The following AHRR variants were observed in gnomAD, a reference collection of about 807,000 sequenced individuals.
AHRR encodes the protein ahR repressor.
AHRR carries 28 observed loss-of-function variants against 44.0 expected under a neutral mutation model. That is an observed-to-expected ratio of 0.64 (90% CI 0.47 to 0.87). The LOEUF (loss-of-function observed/expected upper bound fraction) is 0.87, where lower values mean the gene tolerates loss of function less well. Ranked by LOEUF, AHRR falls within the 40% of genes least tolerant of loss-of-function variation. AHRR has a pLI of 0.00. For synonymous variants in AHRR, 434 were observed against 407.0 expected, an observed-to-expected ratio of 1.07 and a Z score of -0.80; for missense variants, 990 against 953.9, an observed-to-expected ratio of 1.04 and a Z score of -0.50.
chr5:380,087 C>T (rs1733920573), intron 4 of AHRR, among the ~76,000 whole-genome samples: 1 of 152,148 alleles, frequency 6.6e-6, no homozygotes, highest in Admixed American at 6.5e-5. Context: ...ATTAGAAAGA[C>T]TATCTTTTTA....
At chr5:341,000 A>G (rs1385104121) in intron 1 of AHRR, among the ~76,000 whole-genome samples, 2 of 149,632 alleles carry the variant, frequency 1.3e-5, no homozygotes, top group Non-Finnish European at 3.0e-5. Context: ...ACCCAGCTCT[A>G]TAATTTTTCT....
intron 8 of AHRR, among the ~76,000 whole-genome samples, chr5:429,085 C>G (rs946393730): frequency 6.6e-6 from 1 of 152,206 alleles, no homozygotes; most frequent in African/African-American, 2.4e-5. Flanking sequence ...GGATTCGTGT[C>G]TATAGTTTCC....
chr5:379,036 G>A (rs890073402), intron 4 of AHRR, among the ~76,000 whole-genome samples: 1 of 152,212 alleles, frequency 6.6e-6, no homozygotes, highest in Non-Finnish European at 1.5e-5. Context: ...CTCTGCTGCT[G>A]TTTGCAGTCA....
At chr5:376,472 A>G (rs1733646904) in intron 3 of AHRR, 138 bp from the exon 4 acceptor site, 1 of 626,114 alleles carries the variant, frequency 1.6e-6, no homozygotes, top group Non-Finnish European at 2.8e-6. Flanking sequence ...TGGCCTGCAG[A>G]GGGGTCAGTG....
intron 2 of AHRR, among the ~76,000 whole-genome samples, chr5:351,123 G>A (rs1216931964): frequency 6.6e-6 from 1 of 152,126 alleles, no homozygotes; most frequent in African/African-American, 2.4e-5. Context: ...GTGAGGATGT[G>A]GAGAAACTGG....
chr5:354,408 C>T (rs1304007636), intron 3 of AHRR, among the ~76,000 whole-genome samples: 1 of 152,186 alleles, frequency 6.6e-6, no homozygotes, highest in African/African-American at 2.4e-5. Context: ...CCTCCCCCTG[C>T]CCACGCCAGG....
intron 4 of AHRR, among the ~76,000 whole-genome samples, chr5:392,358 C>T: frequency 8.3e-6 from 1 of 121,014 alleles, no homozygotes; most frequent in Non-Finnish European, 1.7e-5. Flanking sequence ...GAGGCAGGGC[C>T]AGAGCGTGCA....
intron 1 of AHRR, chr5:343,607 C>T (rs1302203889): frequency 4.6e-6 from 2 of 434,688 alleles, no homozygotes; most frequent in Non-Finnish European, 8.1e-6. Flanking sequence ...CGCCACGGCG[C>T]CCTGAGCCAG....
At position 421,265 on chromosome 5, in the gene AHRR, T is replaced by C. The variant is rs903328179; in HGVS notation, c.442-1464T>C. 44 of 698,194 alleles carry C rather than the reference T, an allele frequency of 6.3e-5. No individual in the cohort carries two copies. In the African/African-American group the frequency reaches 7.3e-4, roughly 12 times the overall value. The allele number at this position is 698,194 out of a possible 1,614,324, so 43.2% of individuals were successfully genotyped here. A position where few individuals can be genotyped will look rare whatever the true frequency, so the allele number is the denominator to read the frequency against. ...CGGTTCAGCCACGGAGCGGATGCCG[T>C]GTGCAGGCACGGAACGGGCGAGGCT... On this transcript the variant is annotated intron_variant, in intron 5 of 10. Transcript: ENST00000684583.
chr5:345,700 C>G (rs1371394753), intron 2 of AHRR, among the ~76,000 whole-genome samples: 1 of 151,914 alleles, frequency 6.6e-6, no homozygotes, highest in Non-Finnish European at 1.5e-5. Context: ...CTAACACCTG[C>G]TGTGATAATG....
chr5:353,323 G>A (rs955572623), intron 2 of AHRR, among the ~76,000 whole-genome samples: 2 of 152,154 alleles, frequency 1.3e-5, no homozygotes, highest in African/African-American at 4.8e-5. Flanking sequence ...AGTCCCCTAA[G>A]GATGCTGAAT....
chr5:351,814 TAGAC>T (rs1392222425), intron 2 of AHRR, among the ~76,000 whole-genome samples: 1 of 152,360 alleles, frequency 6.6e-6, no homozygotes, highest in African/African-American at 2.4e-5. Context: ...CCTAGGTTGT[TAGAC>T]AGTGAGAAAT....
chr5:399,010 C>T (rs375344465), intron 4 of AHRR, among the ~76,000 whole-genome samples: 22 of 152,400 alleles, frequency 1.4e-4, no homozygotes, highest in African/African-American at 4.8e-4. Flanking sequence ...GCCCACCTCT[C>T]GGCCTCATGG....
At chr5:369,424 C>A (rs747150330) in intron 3 of AHRR, among the ~76,000 whole-genome samples, 3 of 152,248 alleles carry the variant, frequency 2.0e-5, no homozygotes, top group Non-Finnish European at 4.4e-5. Flanking sequence ...GGTGGACTTG[C>A]CTGCTTTGCA....
At chr5:427,367 T>C (rs1736463906) in intron 7 of AHRR, among the ~76,000 whole-genome samples, 2 of 152,150 alleles carry the variant, frequency 1.3e-5, no homozygotes, top group Middle Eastern at 3.2e-3. Flanking sequence ...AAATGAAGAA[T>C]TGATAATTTG....
At chr5:375,559 G>A (rs574896420) in intron 3 of AHRR, among the ~76,000 whole-genome samples, 28 of 152,360 alleles carry the variant, frequency 1.8e-4, no homozygotes, top group Non-Finnish European at 2.8e-4. Context: ...GGTGCCATGC[G>A]TGATGACAGT....
intron 1 of AHRR, among the ~76,000 whole-genome samples, chr5:329,400 C>T (rs1741837661): frequency 6.6e-6 from 1 of 152,128 alleles, no homozygotes; most frequent in African/African-American, 2.4e-5. Context: ...GAGATGAGGT[C>T]TCACTGTGTT....
Position 413,423 on chromosome 5 carries a change from G to T in AHRR, c.431G>T (p.Gly144Val). 6.2e-7 allele frequency: 1 copy of T among 1,612,986 alleles called. No homozygotes were observed. The highest frequency in any genetic ancestry group is 8.5e-7 in the Non-Finnish European group (1 of 1,179,228). Residue 144 changes from glycine (G) to valine (V), a missense_variant, in exon 5 of 11, where the codon GGC (glycine) becomes GTC (valine). Physicochemically the swap from Gly to Val is moderately radical, Grantham distance 109. Transcript: ENST00000684583. ...YASATIVDYLGFHQTDVMHQN... is the reference protein window; with the variant it reads ...YASATIVDYLVFHQTDVMHQN... Reference sequence around the variant, plus strand: ...TCAGCAACGATCGTGGACTATCTGGGCTTCCATCAGGTAAATGAAACCAGA... The same window carrying T: ...TCAGCAACGATCGTGGACTATCTGGTCTTCCATCAGGTAAATGAAACCAGA...
chr5:366,821 G>C (rs1420000512), intron 3 of AHRR, among the ~76,000 whole-genome samples: 1 of 152,202 alleles, frequency 6.6e-6, no homozygotes, highest in Non-Finnish European at 1.5e-5. Flanking sequence ...GGAAACACCA[G>C]ACAGACCCAA....
Sources: gnomAD v4.1 joint callset for allele counts (sites outside exome capture counted in the v4.1 genomes callset) on GRCh38, gnomAD v4.1.1 for gene constraint, MANE v1.5 for transcripts, NCBI Gene and HGNC (gene_info 2026-07-23, HGNC 2026-07-21) for gene names.